Variants in SCIMP observed in about 807,000 individuals in gnomAD.
SCIMP encodes the protein SLP adapter and CSK-interacting membrane protein.
Under a neutral mutation model 22.0 loss-of-function variants are expected in SCIMP, and 18 were observed. The observed-to-expected ratio is 0.82, with a 90% CI of 0.56 to 1.21. SCIMP has a LOEUF of 1.21. Ranked by LOEUF, SCIMP falls within the 50% of genes most tolerant of loss-of-function variation. The pLI is 0.00. For synonymous variants in SCIMP, 53 were observed against 62.2 expected, an observed-to-expected ratio of 0.85 and a Z score of 0.70; for missense variants, 155 against 171.2, an observed-to-expected ratio of 0.91 and a Z score of 0.53.
intron 2 of SCIMP, 87 bp from the exon 3 acceptor site, chr17:5,221,437 C>A: frequency 1.0e-6 from 1 of 976,652 alleles, no homozygotes; most frequent in Non-Finnish European, 1.7e-6. Context: ...CACTTAGGGA[C>A]ACAGTTAATA....
At chr17:5,229,134 T>C (rs1462409774) in intron 1 of SCIMP, among the ~76,000 whole-genome samples, 1 of 151,978 alleles carries the variant, frequency 6.6e-6, no homozygotes, top group Non-Finnish European at 1.5e-5. Context: ...CCTTTGTTTC[T>C]CCCCATTCCT....
Position 5,234,715 on chromosome 17 carries a change from T to C in SCIMP, c.21+20A>G, listed in dbSNP as rs769484071. 1 of 1,611,570 alleles carries C rather than the reference T, an allele frequency of 6.2e-7. No homozygotes were observed. ...GTGAAGAGAGCAGGAAACTGTCCCTTGGAAAGCTGAGATGCTTACCTGAAC... is the reference window on the plus strand; with the variant it reads ...GTGAAGAGAGCAGGAAACTGTCCCTCGGAAAGCTGAGATGCTTACCTGAAC... On this transcript the variant is annotated intron_variant, in intron 1 of 4. Transcript: ENST00000574081.
At chr17:5,223,664 C>G (rs980458743) in intron 1 of SCIMP, 1 of 494,118 alleles carries the variant, frequency 2.0e-6, no homozygotes, top group Non-Finnish European at 3.7e-6. Flanking sequence ...ATTCTCCTGC[C>G]TCAGCCTCCA....
intron 1 of SCIMP, among the ~76,000 whole-genome samples, chr17:5,234,220 G>A (rs1393101391): frequency 1.3e-5 from 2 of 152,004 alleles, no homozygotes; most frequent in Admixed American, 1.3e-4. Flanking sequence ...GCAGTGAGCC[G>A]AGATCACGTC....
intron 1 of SCIMP, among the ~76,000 whole-genome samples, chr17:5,226,945 T>G (rs1286120531): frequency 3.3e-5 from 5 of 152,042 alleles, no homozygotes; most frequent in Admixed American, 3.3e-4. Context: ...CCAAGGTGCT[T>G]CCAGAGAGAG....
At chr17:5,227,289 C>CA (rs1318070847) in intron 1 of SCIMP, among the ~76,000 whole-genome samples, 6 of 91,148 alleles carry the variant, frequency 6.6e-5, no homozygotes, top group South Asian at 4.8e-4. Flanking sequence ...TACACACACA[C>CA]ACAACACACA....
At position 5,229,384 on chromosome 17, in the gene SCIMP, CTTTTTTTTTTTTT is replaced by C. The variant is rs71151849; in HGVS notation, c.21+5338_21+5350del. On this transcript the variant is annotated intron_variant, in intron 1 of 4. Coordinates refer to ENST00000574081, the MANE Select transcript of SCIMP (RefSeq NM_207103.3). The stretch of plus-strand genomic sequence containing the variant: ...TTTCTGAGACTGTGGGTTTATTTAG[CTTTTTTTTTTTTT>C]TTTTTTTTTTTTTTGAGACAGAGTC... 1.2e-3 allele frequency among the ~76,000 whole-genome samples: 74 copies of C among 59,314 alleles called. No individual in the cohort carries two copies. The East Asian group carries it at 0.013, about 10-fold the overall frequency. 38.9% of individuals were successfully genotyped at this position (59,314 alleles called of 152,430 possible).
rs373713274 is a variant in SCIMP at position 5,234,858 on chromosome 17, A to G, written c.-103T>C. On this transcript the variant is annotated 5_prime_UTR_variant, in exon 1 of 5. Coordinates refer to ENST00000574081, the MANE Select transcript of SCIMP (RefSeq NM_207103.3). ...CAGGCCTTCACCCACTGCTAGAGAC[A>G]GTGAGCCCCATCCTGACCACTTCCC... The G allele has an allele frequency of 6.5e-7, 1 of 1,548,384 alleles. No homozygotes were observed.
rs1171108714 is a variant in SCIMP, at chr17:5,210,918, G to A, written c.321C>T (p.Tyr107=). The change falls in exon 5 of 5, where the codon TAC becomes TAT. Residue 107 remains tyrosine, a synonymous_variant. Transcript: ENST00000574081. ...QEAPSQPPAT[Y]SLVNKVKNKK... ...TATTTTTAACTTTATTTACCAGTGA[G>A]TATGTAGCGGGCGGCTGACTTGGGG... 7.4e-6 allele frequency: 12 copies of A among 1,613,652 alleles called. No individual in the cohort carries two copies. Among genetic ancestry groups the A allele is most frequent in the Non-Finnish European group, 1.0e-5 (12 of 1,179,958 alleles).
chr17:5,222,386 C>T (rs555585776), intron 2 of SCIMP, among the ~76,000 whole-genome samples: 119 of 152,262 alleles, frequency 7.8e-4, no homozygotes, highest in African/African-American at 2.5e-3. Context: ...CCACCGCGCC[C>T]GGCCAGGTTG....
At chr17:5,219,275 C>T (rs1339056890) in intron 3 of SCIMP, among the ~76,000 whole-genome samples, 2 of 150,960 alleles carry the variant, frequency 1.3e-5, no homozygotes, top group Non-Finnish European at 2.9e-5. Flanking sequence ...GCCGAGATCG[C>T]GCTATTGCAC....
At chr17:5,224,520 T>C (rs1251645367) in intron 1 of SCIMP, among the ~76,000 whole-genome samples, 1 of 151,804 alleles carries the variant, frequency 6.6e-6, no homozygotes, top group South Asian at 2.1e-4. Flanking sequence ...TGGAGTGCAG[T>C]GGCGCGATCT....
intron 3 of SCIMP, among the ~76,000 whole-genome samples, chr17:5,217,857 G>C (rs2144316638): frequency 6.6e-6 from 1 of 152,060 alleles, no homozygotes; most frequent in Non-Finnish European, 1.5e-5. Context: ...ATTGTGAATA[G>C]TGCTGCTATA....
chr17:5,226,256 G>C lies in SCIMP; in HGVS notation c.22-2800C>G, dbSNP rs183211497. On this transcript the variant is annotated intron_variant, in intron 1 of 4. Coordinates refer to ENST00000574081, the MANE Select transcript of SCIMP (RefSeq NM_207103.3). ...TTTTTGCACTACGTACATTTACTTT[G>C]ATAACACTGGAAAGAATAAATTGGC... Among the ~76,000 whole-genome samples, 3 of 152,156 alleles carry C rather than the reference G, an allele frequency of 2.0e-5. No homozygotes were observed. In the East Asian group the frequency reaches 5.8e-4, roughly 29 times the overall value.
intron 3 of SCIMP, among the ~76,000 whole-genome samples, chr17:5,218,465 A>C (rs2074581965): frequency 6.6e-6 from 1 of 151,984 alleles, no homozygotes; most frequent in Non-Finnish European, 1.5e-5. Flanking sequence ...TTAGCCTCCC[A>C]AGTAGCTGGG....
At chr17:5,218,013 G>A (rs2144316969) in intron 3 of SCIMP, among the ~76,000 whole-genome samples, 1 of 152,016 alleles carries the variant, frequency 6.6e-6, no homozygotes, top group Non-Finnish European at 1.5e-5. Context: ...GGTTGAACTA[G>A]TTTACCGTCC....
rs1278058946 is a variant in SCIMP at position 5,234,654 on chromosome 17, G to C, written c.21+81C>G. On this transcript the variant is annotated intron_variant, in intron 1 of 4. Coordinates refer to ENST00000574081, the MANE Select transcript of SCIMP (RefSeq NM_207103.3). ...CCAGTGCTGATCGGTGGCTCCCAGGGACACGCCCTGATGCCAGCGCTGGCA... is the reference window on the plus strand; with the variant it reads ...CCAGTGCTGATCGGTGGCTCCCAGGCACACGCCCTGATGCCAGCGCTGGCA... 9 of 1,471,664 alleles carry C rather than the reference G, an allele frequency of 6.1e-6. No individual in the cohort carries two copies. In the South Asian group the frequency reaches 1.1e-4, roughly 17 times the overall value. 91.2% of individuals were successfully genotyped at this position (1,471,664 alleles called of 1,614,324 possible).
At chr17:5,224,582 G>T (rs2074633879) in intron 1 of SCIMP, among the ~76,000 whole-genome samples, 1 of 151,816 alleles carries the variant, frequency 6.6e-6, no homozygotes, top group South Asian at 2.1e-4. Flanking sequence ...TCAGCCTCCT[G>T]AGTAGCTGGG....
chr17:5,213,192 T>C, intron 4 of SCIMP: 1 of 985,122 alleles, frequency 1.0e-6, no homozygotes, highest in Non-Finnish European at 1.2e-6. Flanking sequence ...GAACATGAAT[T>C]TACACCCTTA....
Sources: gnomAD v4.1 joint callset for allele counts (sites outside exome capture counted in the v4.1 genomes callset) on GRCh38, gnomAD v4.1.1 for gene constraint, MANE v1.5 for transcripts, NCBI Gene and HGNC (gene_info 2026-07-23, HGNC 2026-07-21) for gene names.